The following CSMD1 variants were observed in gnomAD, a reference collection of about 807,000 sequenced individuals.
CSMD1 encodes the protein CUB and Sushi multiple domains 1, also known as CUB and sushi domain-containing protein 1.
A neutral mutation model predicts 417.5 loss-of-function variants in CSMD1; 213 were observed. The ratio of observed to expected loss-of-function variants is 0.51; its 90% CI spans 0.46 to 0.57. The LOEUF is 0.57. CSMD1 is among the 20% of genes least tolerant of loss of function. The pLI, the probability that CSMD1 is intolerant of heterozygous loss-of-function variation, is 0.00. For synonymous variants in CSMD1, 2,862 were observed against 1,736.8 expected, an observed-to-expected ratio of 1.65 and a Z score of -16.11; for missense variants, 6,923 against 4,529.7, an observed-to-expected ratio of 1.53 and a Z score of -15.17.
intron 2 of CSMD1, among the ~76,000 whole-genome samples, chr8:4,445,495 T>C (rs1798729160): frequency 6.6e-6 from 1 of 152,238 alleles, no homozygotes. Flanking sequence ...TTTGCTTTCA[T>C]AAAGCCAATT....
At chr8:3,884,275 A>T (rs1462094696) in intron 5 of CSMD1, among the ~76,000 whole-genome samples, 1 of 152,206 alleles carries the variant, frequency 6.6e-6, no homozygotes, top group Non-Finnish European at 1.5e-5. Flanking sequence ...TCAACTTAAC[A>T]TACAATGGCC....
chr8:4,314,552 A>G (rs1798812940), intron 3 of CSMD1, among the ~76,000 whole-genome samples: 1 of 152,128 alleles, frequency 6.6e-6, no homozygotes, highest in African/African-American at 2.4e-5. Flanking sequence ...AGATGATTCT[A>G]AACTCCAGTC....
At chr8:4,471,773 G>C (rs761887846) in intron 2 of CSMD1, among the ~76,000 whole-genome samples, 2 of 152,132 alleles carry the variant, frequency 1.3e-5, no homozygotes, top group Admixed American at 6.6e-5. Context: ...CGTCACAAAG[G>C]AGACTGAGGA....
intron 18 of CSMD1, among the ~76,000 whole-genome samples, chr8:3,387,019 A>T (rs1040727048): frequency 6.6e-6 from 1 of 152,206 alleles, no homozygotes; most frequent in African/African-American, 2.4e-5. Flanking sequence ...AAAGCTGCTG[A>T]AGATCTCCTG....
At chr8:4,063,283 A>C (rs996680380) in intron 3 of CSMD1, among the ~76,000 whole-genome samples, 2 of 149,502 alleles carry the variant, frequency 1.3e-5, no homozygotes, top group Non-Finnish European at 3.0e-5. Flanking sequence ...GAACAAAAAA[A>C]CCAAAAAAGA....
chr8:4,336,799 G>T (rs1191041227), intron 3 of CSMD1, among the ~76,000 whole-genome samples: 1 of 152,092 alleles, frequency 6.6e-6, no homozygotes, highest in Non-Finnish European at 1.5e-5. Flanking sequence ...CCGCCTGGAT[G>T]AAAGGCAGGC....
intron 3 of CSMD1, among the ~76,000 whole-genome samples, chr8:4,346,147 C>A (rs958808186): frequency 1.3e-5 from 2 of 152,160 alleles, no homozygotes; most frequent in African/African-American, 4.8e-5. Flanking sequence ...TCCAAACTCT[C>A]CATGCTGGTC....
intron 2 of CSMD1, among the ~76,000 whole-genome samples, chr8:4,475,697 G>GTCC (rs1554491611): frequency 6.6e-6 from 1 of 151,818 alleles, no homozygotes; most frequent in Non-Finnish European, 1.5e-5. Context: ...GCTCACTGCA[G>GTCC]CTGCCTCTGG....
At chr8:4,211,624 G>C (rs974155344) in intron 3 of CSMD1, among the ~76,000 whole-genome samples, 1 of 152,182 alleles carries the variant, frequency 6.6e-6, no homozygotes, top group Non-Finnish European at 1.5e-5. Context: ...CATAAGAACA[G>C]TAAATATCCC....
chr8:4,684,938 T>C (rs1440036342), intron 1 of CSMD1, among the ~76,000 whole-genome samples: 1 of 152,206 alleles, frequency 6.6e-6, no homozygotes, highest in Non-Finnish European at 1.5e-5. Context: ...CTTTTACATT[T>C]GCTCCCAATT....
chr8:4,931,082 C>T (rs750852627), intron 1 of CSMD1, among the ~76,000 whole-genome samples: 1 of 152,120 alleles, frequency 6.6e-6, no homozygotes, highest in Non-Finnish European at 1.5e-5. Flanking sequence ...CTTGGAAATT[C>T]AGGCAATTAT....
At chr8:4,444,904 C>G (rs1201334793) in intron 2 of CSMD1, among the ~76,000 whole-genome samples, 1 of 152,176 alleles carries the variant, frequency 6.6e-6, no homozygotes, top group Non-Finnish European at 1.5e-5. Flanking sequence ...TGACCTTGTC[C>G]AGGTCTTACA....
At chr8:3,566,133 G>C (rs1045852250) in intron 10 of CSMD1, among the ~76,000 whole-genome samples, 3 of 152,026 alleles carry the variant, frequency 2.0e-5, no homozygotes, top group Non-Finnish European at 2.9e-5. Context: ...GGAAAAGATG[G>C]AGGAGAGAAA....
At chr8:4,078,492 C>T (rs1448046455) in intron 3 of CSMD1, among the ~76,000 whole-genome samples, 2 of 151,698 alleles carry the variant, frequency 1.3e-5, no homozygotes, top group African/African-American at 2.4e-5. Flanking sequence ...TCTCGATCTC[C>T]TGACCTTGTG....
intron 46 of CSMD1, among the ~76,000 whole-genome samples, chr8:3,106,298 G>A (rs1329590327): frequency 1.3e-5 from 2 of 152,126 alleles, no homozygotes; most frequent in African/African-American, 4.8e-5. Context: ...TCAGGAGGCT[G>A]AGGCAGGAGG....
intron 3 of CSMD1, among the ~76,000 whole-genome samples, chr8:4,404,405 T>C (rs189395182): frequency 5.1e-4 from 78 of 152,292 alleles, no homozygotes; most frequent in African/African-American, 1.5e-3. Context: ...TCTCTAGAAA[T>C]TGTTTCAGTT....
chr8:3,024,452 C>T (rs1175198099), intron 51 of CSMD1, among the ~76,000 whole-genome samples: 2 of 152,022 alleles, frequency 1.3e-5, no homozygotes, highest in African/African-American at 4.8e-5. Flanking sequence ...ATCACAGGTA[C>T]ATGCCACCAC....
Position 3,021,762 on chromosome 8 carries a change from A to G in CSMD1, c.7856-3112T>C, listed in dbSNP as rs111941841. Among the ~76,000 whole-genome samples, 437 of 113,424 alleles carry G rather than the reference A, an allele frequency of 3.9e-3. 1 individual carries two copies. Among genetic ancestry groups the G allele is most frequent in the South Asian group, 0.015 (48 of 3,278 alleles). The allele number at this position is 113,424 out of a possible 152,430, so 74.4% of individuals were successfully genotyped here. A position where few individuals can be genotyped will look rare whatever the true frequency, so the allele number is the denominator to read the frequency against. ...TGGAATGCACCTGCAATCCCACAGCATCCGGAATGCACCTGCAATCCCACA... is the reference window on the plus strand; with the variant it reads ...TGGAATGCACCTGCAATCCCACAGCGTCCGGAATGCACCTGCAATCCCACA... On this transcript the variant is annotated intron_variant, in intron 51 of 69. Transcript: ENST00000635120.
intron 5 of CSMD1, among the ~76,000 whole-genome samples, chr8:3,995,494 A>G (rs953403461): frequency 6.6e-6 from 1 of 152,194 alleles, no homozygotes; most frequent in African/African-American, 2.4e-5. Flanking sequence ...GAGAAACTCT[A>G]CTTCTCTGAC....
Sources: gnomAD v4.1 joint callset for allele counts (sites outside exome capture counted in the v4.1 genomes callset) on GRCh38, gnomAD v4.1.1 for gene constraint, MANE v1.5 for transcripts, NCBI Gene and HGNC (gene_info 2026-07-23, HGNC 2026-07-21) for gene names.